The following PPP2R3A variants were observed in gnomAD, a reference collection of about 807,000 sequenced individuals.
The protein encoded by PPP2R3A is protein phosphatase 2 regulatory subunit B''alpha, also known as serine/threonine-protein phosphatase 2A regulatory subunit B'' subunit alpha.
Under a neutral mutation model 106.9 loss-of-function variants are expected in PPP2R3A, and 80 were observed. The ratio of observed to expected loss-of-function variants is 0.75; its 90% CI spans 0.62 to 0.90. PPP2R3A has a LOEUF of 0.90. Ranked by LOEUF, PPP2R3A falls within the 40% of genes least tolerant of loss-of-function variation. The probability of loss-of-function intolerance (pLI) is 0.00; values close to 1 mark genes in which losing one functional copy is unlikely to be tolerated. For synonymous variants in PPP2R3A, 483 were observed against 468.3 expected, an observed-to-expected ratio of 1.03 and a Z score of -0.41; for missense variants, 1,386 against 1,350.4, an observed-to-expected ratio of 1.03 and a Z score of -0.41.
rs143947025 is a variant in PPP2R3A at position 136,121,741 on chromosome 3, A to C, written c.3329+15419A>C. ...TGGTTTTTTTAATGAAAAGTCAGGG[A>C]ATGAGAGCTTCTGAAAATTAAAAAT... On this transcript the variant is annotated intron_variant, in intron 13 of 13. Coordinates refer to ENST00000264977, the MANE Select transcript of PPP2R3A (RefSeq NM_002718.5). 2.5e-3 allele frequency among the ~76,000 whole-genome samples: 386 copies of C among 152,274 alleles called. 1 individual carries two copies. The highest frequency in any genetic ancestry group is 8.7e-3 in the African/African-American group (360 of 41,560).
intron 5 of PPP2R3A, among the ~76,000 whole-genome samples, chr3:136,063,666 A>G: frequency 6.6e-6 from 1 of 152,144 alleles, no homozygotes; most frequent in Non-Finnish European, 1.5e-5. Flanking sequence ...ACATGAAAAA[A>G]TGCTCATCAT....
rs1318886573 is a variant in PPP2R3A at position 136,146,022 on chromosome 3, AC to A, written c.*857del. ...CTTGAAGACATAAAGGAATAATGAT[AC>A]ATTAAAATTCTTACTAGATAGATAT... is the stretch of plus-strand genomic sequence containing the variant. On this transcript the variant is annotated 3_prime_UTR_variant, in exon 14 of 14. Coordinates refer to ENST00000264977, the MANE Select transcript of PPP2R3A (RefSeq NM_002718.5). 1 of 152,212 alleles carries A rather than the reference AC, an allele frequency of 6.6e-6. No individual in the cohort carries two copies. Among genetic ancestry groups the A allele is most frequent in the African/African-American group, 2.4e-5 (1 of 41,456 alleles). 9.4% of individuals were successfully genotyped at this position (152,212 alleles called of 1,614,324 possible).
intron 7 of PPP2R3A, 58 bp downstream of exon 7, chr3:136,078,511 AT>A: frequency 1.7e-6 from 2 of 1,145,446 alleles, no homozygotes; most frequent in Non-Finnish European, 2.6e-6. Context: ...TTCTTACTTT[AT>A]TTAACAAATA....
chr3:136,070,383 A>AGGG, intron 5 of PPP2R3A, 95 bp from the exon 6 acceptor site: 1 of 861,570 alleles, frequency 1.2e-6, no homozygotes, highest in East Asian at 2.9e-5. Flanking sequence ...TAAAATAGCA[A>AGGG]GTTTGCTCAA....
chr3:136,126,966 C>G (rs994779453), intron 13 of PPP2R3A, among the ~76,000 whole-genome samples: 1 of 151,982 alleles, frequency 6.6e-6, no homozygotes, highest in African/African-American at 2.4e-5. Flanking sequence ...GGAATAGCAT[C>G]AACATCAACA....
chr3:136,026,273 A>C (rs955290115), intron 2 of PPP2R3A, among the ~76,000 whole-genome samples: 3 of 152,146 alleles, frequency 2.0e-5, no homozygotes, highest in Admixed American at 1.3e-4. Context: ...GGGACATTTC[A>C]GAACTAAAAT....
chr3:136,104,454 G>A (rs1937464160), intron 12 of PPP2R3A, among the ~76,000 whole-genome samples: 2 of 151,884 alleles, frequency 1.3e-5, no homozygotes, highest in Non-Finnish European at 2.9e-5. Flanking sequence ...TTACAGGCAT[G>A]CACCACCACA....
intron 1 of PPP2R3A, among the ~76,000 whole-genome samples, chr3:135,972,144 A>G (rs1238114824): frequency 1.3e-5 from 2 of 151,998 alleles, no homozygotes; most frequent in East Asian, 3.9e-4. Context: ...CTTTACCCCT[A>G]CCGTCTGGCA....
chr3:136,013,292 T>C (rs576123726), intron 2 of PPP2R3A, among the ~76,000 whole-genome samples: 6 of 152,124 alleles, frequency 3.9e-5, no homozygotes, highest in Non-Finnish European at 7.4e-5. Context: ...GTTTTGCAAT[T>C]GCAAATTGTG....
intron 1 of PPP2R3A, among the ~76,000 whole-genome samples, chr3:135,995,438 C>T (rs934552660): frequency 1.0e-4 from 15 of 146,278 alleles, no homozygotes; most frequent in African/African-American, 5.1e-5. Context: ...ATGAGACTTA[C>T]GTTGACAGAT....
intron 4 of PPP2R3A, among the ~76,000 whole-genome samples, chr3:136,048,948 G>A (rs944106859): frequency 6.6e-6 from 1 of 152,058 alleles, no homozygotes; most frequent in Non-Finnish European, 1.5e-5. Context: ...TGAGGTTACT[G>A]GAGTCCTGAG....
chr3:136,073,894 G>A (rs540235957), intron 6 of PPP2R3A, among the ~76,000 whole-genome samples: 1 of 152,114 alleles, frequency 6.6e-6, no homozygotes, highest in Non-Finnish European at 1.5e-5. Flanking sequence ...AATTAATTTT[G>A]TTGTTAGACA....
At chr3:136,097,369 G>A (rs937802272) in intron 10 of PPP2R3A, among the ~76,000 whole-genome samples, 6 of 152,062 alleles carry the variant, frequency 3.9e-5, no homozygotes, top group Non-Finnish European at 8.8e-5. Context: ...TTTCTCTTTC[G>A]TTCATTGATC....
rs147687466 is a variant in PPP2R3A, at chr3:136,000,457, G to A, written c.-440-602G>A. Among the ~76,000 whole-genome samples the A allele has an allele frequency of 3.9e-5, 6 of 152,276 alleles. No individual in the cohort carries two copies. The East Asian group carries it at 1.2e-3, about 29-fold the overall frequency. ...GCAGAGAGAGAGATATCCACATGGA[G>A]CAGGGTCTGGGAGATGGGATCAAGA... On this transcript the variant is annotated intron_variant, in intron 1 of 13. Coordinates refer to ENST00000264977, the MANE Select transcript of PPP2R3A (RefSeq NM_002718.5).
chr3:136,126,440 G>T (rs940638334), intron 13 of PPP2R3A, among the ~76,000 whole-genome samples: 1 of 152,192 alleles, frequency 6.6e-6, no homozygotes, highest in African/African-American at 2.4e-5. Context: ...CATTCCTGAG[G>T]CTTGAGTAGG....
intron 1 of PPP2R3A, among the ~76,000 whole-genome samples, chr3:135,993,847 A>G (rs911586965): frequency 6.6e-6 from 1 of 152,226 alleles, no homozygotes; most frequent in Non-Finnish European, 1.5e-5. Context: ...AGAAAAGTAC[A>G]TATGTAATTA....
intron 6 of PPP2R3A, among the ~76,000 whole-genome samples, chr3:136,071,389 C>A (rs1936425125): frequency 6.6e-6 from 1 of 152,216 alleles, no homozygotes. Context: ...TCATTCAGTG[C>A]TTTTGCATTG....
intron 5 of PPP2R3A, among the ~76,000 whole-genome samples, chr3:136,060,625 C>G (rs1296175956): frequency 6.6e-6 from 1 of 152,100 alleles, no homozygotes; most frequent in Non-Finnish European, 1.5e-5. Context: ...TGTAAGTTTC[C>G]TGAGGGCTCC....
In PPP2R3A at chr3:136,145,326, C is replaced by T; in HGVS notation, c.*160C>T. 2 of 908,828 alleles carry T rather than the reference C, an allele frequency of 2.2e-6. No individual in the cohort carries two copies. The highest frequency in any genetic ancestry group is 3.1e-6 in the Non-Finnish European group (2 of 655,678). 56.3% of individuals were successfully genotyped at this position (908,828 alleles called of 1,614,324 possible). A position where few individuals can be genotyped will look rare whatever the true frequency, so the allele number is the denominator to read the frequency against. ...TTTTTAAGCAATAGGTCTGGATACA[C>T]ATTTAACTTAGGAGGCTCCTCCAAT... On this transcript the variant is annotated 3_prime_UTR_variant, in exon 14 of 14. Transcript: ENST00000264977.
Sources: allele counts gnomAD v4.1 joint callset (sites outside exome capture counted in the v4.1 genomes callset), GRCh38; gene constraint gnomAD v4.1.1; transcripts MANE v1.5; gene names NCBI Gene and HGNC (gene_info 2026-07-23, HGNC 2026-07-21).